CELF2: variants seen among roughly 807,000 people sequenced by gnomAD.
The protein encoded by CELF2 is CUGBP Elav-like family member 2.
In CELF2, 8 loss-of-function variants were observed where a neutral mutation model predicts 62.6. That is an observed-to-expected ratio of 0.13 (90% confidence interval 0.07 to 0.23). The LOEUF (loss-of-function observed/expected upper bound fraction) is 0.23. Ranked by LOEUF, CELF2 falls within the 10% of genes least tolerant of loss-of-function variation. The probability of loss-of-function intolerance (pLI) is 1.00; values close to 1 mark genes in which losing one functional copy is unlikely to be tolerated. For missense variants in CELF2, 333 were observed against 671.0 expected (o/e 0.50, Z 5.56); for synonymous variants, 258 against 250.0 (o/e 1.03, Z -0.30).
intron 1 of CELF2, among the ~76,000 whole-genome samples, chr10:10,878,529 A>G (rs2061252171): frequency 6.6e-6 from 1 of 152,214 alleles, no homozygotes; most frequent in South Asian, 2.1e-4. Flanking sequence ...TCTTTGAATC[A>G]GATGGTAGAT....
intron 2 of CELF2, among the ~76,000 whole-genome samples, chr10:11,188,303 C>G (rs2075489318): frequency 6.6e-6 from 1 of 152,154 alleles, no homozygotes; most frequent in South Asian, 2.1e-4. Flanking sequence ...TGGGGTTTCT[C>G]CATGTTAGTC....
chr10:11,163,819 T>A (rs979739325), intron 1 of CELF2, among the ~76,000 whole-genome samples: 1 of 152,220 alleles, frequency 6.6e-6, no homozygotes, highest in African/African-American at 2.4e-5. Flanking sequence ...CATTCAGGAT[T>A]TTTCCTTACC....
chr10:10,825,425 T>A (rs1440031651), intron 1 of CELF2, among the ~76,000 whole-genome samples: 4 of 152,244 alleles, frequency 2.6e-5, no homozygotes, highest in African/African-American at 7.2e-5. Context: ...TTAGCCAGGC[T>A]GGTCTTGATT....
At chr10:10,736,864 C>A in the CELF2 span, among the ~76,000 whole-genome samples, 2 of 151,910 alleles carry the variant, frequency 1.3e-5, no homozygotes, top group Admixed American at 6.6e-5. Flanking sequence ...TGATTGGTAC[C>A]CTGACATACG....
the CELF2 span, among the ~76,000 whole-genome samples, chr10:10,548,672 A>G: frequency 6.6e-6 from 1 of 152,180 alleles, no homozygotes; most frequent in Non-Finnish European, 1.5e-5. Context: ...AAAATGCTTC[A>G]AGGTTTTCTT....
chr10:10,585,022 G>A, the CELF2 span, among the ~76,000 whole-genome samples: 1 of 152,026 alleles, frequency 6.6e-6, no homozygotes, highest in Non-Finnish European at 1.5e-5. Context: ...GATATAGCAA[G>A]AATTAAAGAG....
chr10:10,942,700 G>A (rs1399000707), intron 2 of CELF2, among the ~76,000 whole-genome samples: 1 of 152,186 alleles, frequency 6.6e-6, no homozygotes, highest in East Asian at 1.9e-4. Flanking sequence ...ATACCAAGAG[G>A]TAGGGATCAC....
intron 2 of CELF2, among the ~76,000 whole-genome samples, chr10:10,951,558 G>A (rs983337227): frequency 6.6e-6 from 1 of 152,192 alleles, no homozygotes; most frequent in African/African-American, 2.4e-5. Context: ...GCTGAGGATG[G>A]CTCCATGCCA....
At chr10:10,723,122 C>T in the CELF2 span, among the ~76,000 whole-genome samples, 2 of 152,098 alleles carry the variant, frequency 1.3e-5, no homozygotes, top group Admixed American at 6.6e-5. Context: ...ATTTTTGAAC[C>T]AGCTGTAGTC....
the CELF2 span, among the ~76,000 whole-genome samples, chr10:10,788,451 A>G: frequency 7.9e-6 from 1 of 126,354 alleles, no homozygotes; most frequent in Non-Finnish European, 1.7e-5. Context: ...ATTTCTTTCC[A>G]TCTTTTTTTT....
rs187141852 is a variant in CELF2 at position 10,964,957 on chromosome 10, G to A, written c.89+44958G>A. On this transcript the variant is annotated intron_variant, in intron 2 of 13. Transcript: ENST00000636488. ...CATGAAAAAAACTCTTAGCCCTCAC[G>A]GTGGTAATACTAGCATGGCTTAATG... Among the ~76,000 whole-genome samples the A allele has an allele frequency of 1.5e-4, 23 of 152,128 alleles. 1 individual carries two copies. The East Asian group carries it at 3.5e-3, about 23-fold the overall frequency.
chr10:11,058,223 A>G (rs929114506), intron 1 of CELF2, among the ~76,000 whole-genome samples: 1 of 152,168 alleles, frequency 6.6e-6, no homozygotes, highest in African/African-American at 2.4e-5. Context: ...ATGCGGTAAC[A>G]TTGTTAAGTA....
chr10:10,648,051 C>G, the CELF2 span, among the ~76,000 whole-genome samples: 3 of 152,126 alleles, frequency 2.0e-5, no homozygotes, highest in Admixed American at 6.5e-5. Flanking sequence ...ATTTACTTAC[C>G]CTTCAAGAAA....
chr10:10,792,059 A>AGGGAGAGAGGG, the CELF2 span, among the ~76,000 whole-genome samples: 1 of 128,436 alleles, frequency 7.8e-6, no homozygotes, highest in Non-Finnish European at 1.7e-5. Flanking sequence ...GGAAGGAAGG[A>AGGGAGAGAGGG]AGGAGGGAGG....
At chr10:10,842,074 T>A (rs568507347) in intron 1 of CELF2, among the ~76,000 whole-genome samples, 24 of 152,080 alleles carry the variant, frequency 1.6e-4, no homozygotes, top group Non-Finnish European at 3.1e-4. Flanking sequence ...GTATTTTTCA[T>A]TTCAAATTGG....
intron 1 of CELF2, among the ~76,000 whole-genome samples, chr10:11,151,216 T>G (rs2063278039): frequency 6.6e-6 from 1 of 152,222 alleles, no homozygotes. Context: ...ATCAAGTTAT[T>G]AAATTTAAAC....
rs116953164 is a variant in CELF2, at chr10:11,119,359, T to C, written c.75-46127T>C. ...TCCTAAGGACAGTAGATGTTCACTATCCAATACCTCCGAAGAAGCTGGGGA... is the reference window on the plus strand; with the variant it reads ...TCCTAAGGACAGTAGATGTTCACTACCCAATACCTCCGAAGAAGCTGGGGA... On this transcript the variant is annotated intron_variant, in intron 1 of 12. Coordinates refer to ENST00000633077, the MANE Select transcript of CELF2 (RefSeq NM_001326342.2). Among the ~76,000 whole-genome samples, 43 of 152,322 alleles carry C rather than the reference T, an allele frequency of 2.8e-4. 1 individual carries two copies. In the East Asian group the frequency reaches 6.9e-3, roughly 25 times the overall value.
chr10:10,498,556 T>C, the CELF2 span, among the ~76,000 whole-genome samples: 3 of 152,136 alleles, frequency 2.0e-5, no homozygotes, highest in Non-Finnish European at 2.9e-5. Flanking sequence ...ACCAGGTAAA[T>C]AGAGTCCATC....
intron 2 of CELF2, among the ~76,000 whole-genome samples, chr10:11,201,451 G>A (rs2059195182): frequency 1.3e-5 from 2 of 152,080 alleles, no homozygotes; most frequent in African/African-American, 4.8e-5. Flanking sequence ...TGTCACCTGT[G>A]TCCATTCAAA....
Sources: gnomAD v4.1 joint callset for allele counts (sites outside exome capture counted in the v4.1 genomes callset) on GRCh38, gnomAD v4.1.1 for gene constraint, MANE v1.5 for transcripts, NCBI Gene and HGNC (gene_info 2026-07-23, HGNC 2026-07-21) for gene names.